Variants in RETREG1 observed in about 807,000 individuals in gnomAD.
RETREG1 encodes family with sequence similarity 134 member B.
Under a neutral mutation model 54.8 loss-of-function variants are expected in RETREG1, and 44 were observed. The observed-to-expected ratio is 0.80, with a 90% CI of 0.63 to 1.03. The LOEUF (loss-of-function observed/expected upper bound fraction) is 1.03, where lower values mean the gene tolerates loss of function less well. Ranked by LOEUF, RETREG1 falls within the 50% of genes least tolerant of loss-of-function variation. RETREG1 has a pLI of 0.00. For missense variants in RETREG1, 554 were observed against 605.1 expected (o/e 0.92, Z 0.89); for synonymous variants, 217 against 238.5 (o/e 0.91, Z 0.83).
intron 3 of RETREG1, among the ~76,000 whole-genome samples, chr5:16,542,675 AG>A (rs913253732): frequency 6.6e-6 from 1 of 152,196 alleles, no homozygotes; most frequent in African/African-American, 2.4e-5. Context: ...TACTCTCAAA[AG>A]TCAAAGGGGA....
At chr5:16,565,903 T>G in intron 2 of RETREG1, 110 bp from the exon 3 acceptor site, 42 of 1,167,582 alleles carry the variant, frequency 3.6e-5, no homozygotes, top group Non-Finnish European at 4.6e-5. Context: ...CTCAGATCTC[T>G]AACACTCAGG....
chr5:16,518,393 G>C (rs1351191865), intron 3 of RETREG1, among the ~76,000 whole-genome samples: 1 of 151,350 alleles, frequency 6.6e-6, no homozygotes, highest in Non-Finnish European at 1.5e-5. Context: ...TGAAGGGAAG[G>C]GAGGAGAGGA....
At chr5:16,590,957 A>G (rs1742756266) in intron 1 of RETREG1, among the ~76,000 whole-genome samples, 1 of 152,170 alleles carries the variant, frequency 6.6e-6, no homozygotes, top group Non-Finnish European at 1.5e-5. Flanking sequence ...ATGCAAACAC[A>G]CATGCACACA....
chr5:16,558,672 G>T (rs1355733757), intron 3 of RETREG1, among the ~76,000 whole-genome samples: 1 of 152,198 alleles, frequency 6.6e-6, no homozygotes, highest in Non-Finnish European at 1.5e-5. Context: ...TAAAGTGCAA[G>T]TTACAAGGTG....
intron 3 of RETREG1, among the ~76,000 whole-genome samples, chr5:16,548,979 C>A (rs1041661289): frequency 4.6e-5 from 7 of 152,252 alleles, no homozygotes; most frequent in African/African-American, 1.4e-4. Context: ...TGAGTACCAG[C>A]AGTGTCACTG....
chr5:16,520,930 G>A (rs574837975), intron 3 of RETREG1, among the ~76,000 whole-genome samples: 1 of 152,204 alleles, frequency 6.6e-6, no homozygotes, highest in South Asian at 2.1e-4. Context: ...GGGACAGGGG[G>A]CAGTTTGGTG....
intron 4 of RETREG1, among the ~76,000 whole-genome samples, chr5:16,482,320 T>C (rs1441516786): frequency 6.6e-6 from 1 of 152,148 alleles, no homozygotes; most frequent in East Asian, 1.9e-4. Flanking sequence ...TTTAAGCTAA[T>C]TGACTTGGGG....
intron 3 of RETREG1, among the ~76,000 whole-genome samples, chr5:16,501,796 C>T (rs1384587639): frequency 2.0e-5 from 3 of 152,116 alleles, no homozygotes; most frequent in South Asian, 2.1e-4. Flanking sequence ...CCACCTGCCT[C>T]GGCCCCCCAA....
chr5:16,500,338 T>C (rs1739654324), intron 3 of RETREG1, among the ~76,000 whole-genome samples: 1 of 152,226 alleles, frequency 6.6e-6, no homozygotes, highest in East Asian at 1.9e-4. Flanking sequence ...GCAGGTGCCA[T>C]GGTTTTAAGA....
chr5:16,525,917 A>G (rs1225850323), intron 3 of RETREG1, among the ~76,000 whole-genome samples: 1 of 152,354 alleles, frequency 6.6e-6, no homozygotes, highest in East Asian at 1.9e-4. Context: ...GTCTGCAGAC[A>G]GAATTCCTTC....
intron 3 of RETREG1, among the ~76,000 whole-genome samples, chr5:16,541,072 T>C (rs929539113): frequency 2.0e-5 from 3 of 152,164 alleles, no homozygotes; most frequent in African/African-American, 7.2e-5. Flanking sequence ...ATACAACAAA[T>C]AATCACACTT....
intron 1 of RETREG1, among the ~76,000 whole-genome samples, chr5:16,615,351 G>C (rs1399479168): frequency 7.2e-6 from 1 of 139,248 alleles, no homozygotes; most frequent in Admixed American, 7.9e-5. Context: ...AGCGAGCCGA[G>C]ATCGCGCCAC....
intron 2 of RETREG1, 66 bp from the exon 3 acceptor site, chr5:16,565,859 C>T (rs1579689257): frequency 2.6e-6 from 4 of 1,524,640 alleles, no homozygotes; most frequent in African/African-American, 1.4e-5. Context: ...TATTTCTCAA[C>T]TCTGAACTAG....
At chr5:16,508,557 G>A (rs757478701) in intron 3 of RETREG1, 23 of 1,604,018 alleles carry the variant, frequency 1.4e-5, no homozygotes, top group East Asian at 4.5e-5. Context: ...GAATAAGTAC[G>A]TACGTATATA....
At chr5:16,490,366 TATAAG>T (rs1739195599) in intron 3 of RETREG1, among the ~76,000 whole-genome samples, 1 of 152,218 alleles carries the variant, frequency 6.6e-6, no homozygotes, top group South Asian at 2.1e-4. Flanking sequence ...AAAAAAGAGT[TATAAG>T]ATTACACAGA....
chr5:16,611,422 G>A (rs532788044), intron 1 of RETREG1, among the ~76,000 whole-genome samples: 6 of 150,526 alleles, frequency 4.0e-5, no homozygotes, highest in East Asian at 1.9e-4. Flanking sequence ...CATCAGAGAC[G>A]CTTTCTAGGC....
In RETREG1 at chr5:16,521,557, C is replaced by T. The variant is rs566180971; in HGVS notation, c.459-38085G>A. 5.3e-5 allele frequency among the ~76,000 whole-genome samples: 8 copies of T among 152,262 alleles called. No individual in the cohort carries two copies. In the East Asian group the frequency reaches 5.8e-4, roughly 11 times the overall value. On this transcript the variant is annotated intron_variant, in intron 3 of 8. Transcript: ENST00000306320. ...CTCAAGTCTCACTGCTCTTAGCAAA[C>T]GTAAGGAAGTGGAAATTTTCAAAGT...
chr5:16,597,264 C>T lies in RETREG1; in HGVS notation c.320+19388G>A, dbSNP rs1304350825. ...TGAATATTAGTAACGACACCTACCT[C>T]CTCCAACAGTTGTTATGTATATGGA... On this transcript the variant is annotated intron_variant, in intron 1 of 8. Coordinates refer to ENST00000306320, the MANE Select transcript of RETREG1 (RefSeq NM_001034850.3). The surrounding 1 kb of genome is among the most constrained non-coding windows in gnomAD (Gnocchi z 4.3). 6.6e-6 allele frequency among the ~76,000 whole-genome samples: 1 copy of T among 152,244 alleles called. No individual in the cohort carries two copies. The highest frequency in any genetic ancestry group is 2.4e-5 in the African/African-American group (1 of 41,468).
chr5:16,509,071 C>T, intron 3 of RETREG1: 1 of 980,564 alleles, frequency 1.0e-6, no homozygotes, highest in African/African-American at 1.8e-5. Context: ...TGACTAGGCA[C>T]CCACCTAAGG....
Sources: gnomAD v4.1 joint callset for allele counts (sites outside exome capture counted in the v4.1 genomes callset) on GRCh38, gnomAD v4.1.1 for gene constraint, Gnocchi (gnomAD v3.1) non-coding constraint, MANE v1.5 for transcripts, NCBI Gene and HGNC (gene_info 2026-07-23, HGNC 2026-07-21) for gene names.